The following DDX60L variants were observed in gnomAD, a reference collection of about 807,000 sequenced individuals.
The protein encoded by DDX60L is probable ATP-dependent RNA helicase DDX60-like.
In DDX60L, 191 loss-of-function variants were observed where a neutral mutation model predicts 211.6. That is an observed-to-expected ratio of 0.90 (90% CI 0.80 to 1.02). The LOEUF (loss-of-function observed/expected upper bound fraction) is 1.02. Among genes scored for constraint, DDX60L ranks in the 50% least tolerant of loss-of-function variants. DDX60L has a pLI of 0.00. For missense variants in DDX60L, 2,007 were observed against 1,984.1 expected, an observed-to-expected ratio of 1.01 and a Z score of -0.22; for synonymous variants, 706 against 694.1, an observed-to-expected ratio of 1.02 and a Z score of -0.27.
chr4:168,447,309 A>G (rs536447573), intron 9 of DDX60L, among the ~76,000 whole-genome samples: 1,695 of 148,568 alleles, frequency 0.011, 39 homozygotes, highest in African/African-American at 0.04. Flanking sequence ...CATCAGAGAA[A>G]TGCAAATCAA....
At chr4:168,420,438 T>C (rs975893479) in intron 17 of DDX60L, 58 bp from the exon 18 acceptor site, 1 of 1,496,330 alleles carries the variant, frequency 6.7e-7, no homozygotes, top group South Asian at 1.3e-5. Context: ...ATATAAAACC[T>C]TGAGGACAAC....
intron 36 of DDX60L, among the ~76,000 whole-genome samples, chr4:168,370,338 A>G (rs1194801013): frequency 6.6e-6 from 1 of 152,190 alleles, no homozygotes; most frequent in Non-Finnish European, 1.5e-5. Context: ...AAAATATTGC[A>G]TGATATCACT....
At chr4:168,405,149 C>T (rs1442897446) in intron 24 of DDX60L, among the ~76,000 whole-genome samples, 1 of 152,020 alleles carries the variant, frequency 6.6e-6, no homozygotes, top group Non-Finnish European at 1.5e-5. Flanking sequence ...GCTAGGATTA[C>T]AGGCATGCGC....
At chr4:168,409,257 C>T (rs1748272375) in intron 22 of DDX60L, among the ~76,000 whole-genome samples, 1 of 152,132 alleles carries the variant, frequency 6.6e-6, no homozygotes, top group Non-Finnish European at 1.5e-5. Flanking sequence ...GGTCAGAACA[C>T]ACTGTAATGG....
At chr4:168,395,073 C>T (rs1168725848) in intron 27 of DDX60L, among the ~76,000 whole-genome samples, 5 of 152,192 alleles carry the variant, frequency 3.3e-5, no homozygotes, top group Non-Finnish European at 7.4e-5. Context: ...TGTCCATACC[C>T]TCATAGCCTC....
At position 168,375,463 on chromosome 4, in the gene DDX60L, A is replaced by G. The variant is rs765790464; in HGVS notation, c.4547T>C (p.Val1516Ala). ...CAGGAAGGAGGCAAAATCCTTCATT[A>G]CTGCCAGGTTATACTCATATAAAGC... ...KAALYEYNLA[V>A]MKDFASFLLI... The change falls in exon 34 of 38, where the codon GTA (valine) becomes GCA (alanine). Residue 1516 changes from valine (V) to alanine (A), a missense_variant. Coordinates refer to ENST00000682922, the MANE Select transcript of DDX60L (RefSeq NM_001012967.3). 1 of 1,613,054 alleles carries G rather than the reference A, an allele frequency of 6.2e-7. No individual in the cohort carries two copies. Among genetic ancestry groups the G allele is most frequent in the East Asian group, 2.2e-5 (1 of 44,842 alleles).
intron 25 of DDX60L, 136 bp from the exon 26 acceptor site, chr4:168,401,114 A>G: frequency 1.3e-6 from 1 of 762,408 alleles, no homozygotes; most frequent in Non-Finnish European, 2.0e-6. Context: ...ATTTAAACTG[A>G]AAGACTGGTT....
At chr4:168,396,742 C>T (rs550508330) in intron 26 of DDX60L, among the ~76,000 whole-genome samples, 5 of 151,342 alleles carry the variant, frequency 3.3e-5, no homozygotes, top group African/African-American at 1.2e-4. Context: ...GGAGCTCCGA[C>T]ATCTCTCTCC....
At chr4:168,383,186 T>C (rs1188141146) in intron 30 of DDX60L, among the ~76,000 whole-genome samples, 1 of 152,206 alleles carries the variant, frequency 6.6e-6, no homozygotes, top group Non-Finnish European at 1.5e-5. Context: ...TAATGCCTTA[T>C]GGTCTTTGGT....
At chr4:168,464,026 T>C (rs534728675) in intron 4 of DDX60L, among the ~76,000 whole-genome samples, 2 of 152,290 alleles carry the variant, frequency 1.3e-5, no homozygotes, top group African/African-American at 2.4e-5. Flanking sequence ...CCTAAAGTGC[T>C]TCCTAGAATT....
At chr4:168,475,271 T>A (rs963819435) in intron 1 of DDX60L, among the ~76,000 whole-genome samples, 1 of 152,218 alleles carries the variant, frequency 6.6e-6, no homozygotes, top group Non-Finnish European at 1.5e-5. Flanking sequence ...CTGGACGTAA[T>A]GAAAACTGAT....
At chr4:168,388,546 CATA>C (rs1744272269) in intron 29 of DDX60L, among the ~76,000 whole-genome samples, 2 of 152,192 alleles carry the variant, frequency 1.3e-5, no homozygotes, top group Admixed American at 6.5e-5. Context: ...AGTTAGTCCT[CATA>C]ATAACTTTCT....
chr4:168,379,895 T>C lies in DDX60L; in HGVS notation c.4117-65A>G. 7.8e-6 allele frequency: 9 copies of C among 1,161,252 alleles called. No homozygotes were observed. In the South Asian group the frequency reaches 1.2e-4, roughly 16 times the overall value. 71.9% of individuals were successfully genotyped at this position (1,161,252 alleles called of 1,614,324 possible). ...AGTATTTGTAAATACTGATATGTAA[T>C]AAATAGTACACATACATACTATATA... On this transcript the variant is annotated intron_variant, in intron 30 of 37. Transcript: ENST00000682922.
intron 22 of DDX60L, among the ~76,000 whole-genome samples, chr4:168,407,187 A>G (rs570894418): frequency 1.3e-5 from 2 of 152,332 alleles, no homozygotes; most frequent in East Asian, 1.9e-4. Flanking sequence ...CTTTGCCCCT[A>G]GAGATCCAAT....
intron 7 of DDX60L, 115 bp downstream of exon 7, chr4:168,455,924 G>T: frequency 1.5e-6 from 1 of 672,912 alleles, no homozygotes; most frequent in Non-Finnish European, 2.4e-6. Context: ...GAAAATGGCG[G>T]TCAGAAACCA....
In DDX60L at chr4:168,404,094, G is replaced by T; in HGVS notation, c.3226C>A (p.Leu1076Met). 7.3e-7 allele frequency: 1 copy of T among 1,376,768 alleles called. No individual in the cohort carries two copies. The highest frequency in any genetic ancestry group is 9.5e-7 in the Non-Finnish European group (1 of 1,050,268). The allele number at this position is 1,376,768 out of a possible 1,614,324, so 85.3% of individuals were successfully genotyped here. ...AATGAATCCGGACTAAGGTTCTTCA[G>T]TACTCTTTTGACCTACAACAGTAAG... The part of the protein sequence containing the change: ...NGQVKKVKRV[L>M]KNLSPDSLSS... Residue 1076 changes from leucine (L) to methionine (M), a missense_variant, in exon 25 of 38, where the codon CTG (leucine) becomes ATG (methionine). Transcript: ENST00000682922.
At chr4:168,393,349 A>C (rs1426534992) in intron 28 of DDX60L, among the ~76,000 whole-genome samples, 1 of 152,108 alleles carries the variant, frequency 6.6e-6, no homozygotes, top group Non-Finnish European at 1.5e-5. Flanking sequence ...TACAAAAATT[A>C]GCTGGGTGTG....
chr4:168,451,514 C>CCCTG (rs1755798800), intron 8 of DDX60L, among the ~76,000 whole-genome samples: 5 of 152,196 alleles, frequency 3.3e-5, no homozygotes, highest in Non-Finnish European at 5.9e-5. Flanking sequence ...GCCTAAAGAA[C>CCCTG]TCTTGTATCT....
rs1209268651 is a variant in DDX60L, at chr4:168,356,794, C to G, written c.*1353G>C. On this transcript the variant is annotated 3_prime_UTR_variant, in exon 38 of 38. Transcript: ENST00000682922. ...AAGTCACTTACTACATAAACTACAACAATACCAAGTTTTCAGCTAATTGTT... is the reference window on the plus strand; with the variant it reads ...AAGTCACTTACTACATAAACTACAAGAATACCAAGTTTTCAGCTAATTGTT... The G allele has an allele frequency of 6.6e-6, 1 of 152,200 alleles. No individual in the cohort carries two copies. The highest frequency in any genetic ancestry group is 2.4e-5 in the African/African-American group (1 of 41,456). 9.4% of individuals were successfully genotyped at this position (152,200 alleles called of 1,614,324 possible).
Sources: gnomAD v4.1 joint callset for allele counts (sites outside exome capture counted in the v4.1 genomes callset) on GRCh38, gnomAD v4.1.1 for gene constraint, MANE v1.5 for transcripts, NCBI Gene and HGNC (gene_info 2026-07-23, HGNC 2026-07-21) for gene names.